The following EDRF1 variants were observed in gnomAD, a reference collection of about 807,000 sequenced individuals.
EDRF1 encodes the protein erythroid differentiation regulatory factor 1, also known as erythroid differentiation-related factor 1.
A neutral mutation model predicts 148.7 loss-of-function variants in EDRF1; 69 were observed. The ratio of observed to expected loss-of-function variants is 0.46; its 90% confidence interval spans 0.38 to 0.57. The LOEUF is 0.57. EDRF1 is among the 20% of genes least tolerant of loss of function. EDRF1 has a pLI of 0.00. For missense variants in EDRF1, 1,118 were observed against 1,478.7 expected (o/e 0.76, Z 4.00); for synonymous variants, 515 against 532.8 (o/e 0.97, Z 0.46).
At chr10:125,758,685 T>G (rs1321324282) in intron 24 of EDRF1, among the ~76,000 whole-genome samples, 3 of 152,206 alleles carry the variant, frequency 2.0e-5, no homozygotes, top group Admixed American at 6.5e-5. Flanking sequence ...CTCTAGGTCT[T>G]TCTTTTGTTT....
In EDRF1 at chr10:125,748,110, G is replaced by A. The variant is rs764743688; in HGVS notation, c.3123+98G>A. The A allele has an allele frequency of 1.4e-5, 20 of 1,413,654 alleles. No homozygotes were observed. In the South Asian group the frequency reaches 1.5e-4, roughly 11 times the overall value. The allele number at this position is 1,413,654 out of a possible 1,614,324, so 87.6% of individuals were successfully genotyped here. A position where few individuals can be genotyped will look rare whatever the true frequency, so the allele number is the denominator to read the frequency against. The stretch of plus-strand genomic sequence containing the variant: ...CATGGTCATATATGTCTTCCTTGAC[G>A]TCCACTCAGGTGAACTGCTGTCCTA... On this transcript the variant is annotated intron_variant, in intron 21 of 24. Coordinates refer to ENST00000356792, the MANE Select transcript of EDRF1 (RefSeq NM_001202438.2).
chr10:125,747,431 A>G (rs1589858771), intron 19 of EDRF1, 105 bp from the exon 20 acceptor site: 2 of 1,269,498 alleles, frequency 1.6e-6, no homozygotes, highest in Non-Finnish European at 2.3e-6. Flanking sequence ...AATTATCCCA[A>G]AATTAAATTA....
chr10:125,747,435 T>A, intron 19 of EDRF1, 101 bp from the exon 20 acceptor site: 1 of 1,287,216 alleles, frequency 7.8e-7, no homozygotes, highest in South Asian at 1.2e-5. Flanking sequence ...ATCCCAAAAT[T>A]AAATTAACAT....
intron 6 of EDRF1, 52 bp from the exon 7 acceptor site, chr10:125,728,951 T>C: frequency 7.0e-7 from 1 of 1,422,424 alleles, no homozygotes; most frequent in South Asian, 1.3e-5. Context: ...AGTGGGTCAA[T>C]TTTAAGAAAT....
At chr10:125,721,166 GT>G in intron 1 of EDRF1, 37 bp from the exon 2 acceptor site, 1 of 1,603,408 alleles carries the variant, frequency 6.2e-7, no homozygotes, top group African/African-American at 1.3e-5. Context: ...TTCGTTCTTA[GT>G]AATTTTCATT....
In EDRF1 at chr10:125,752,815, T is replaced by A; in HGVS notation, c.3294T>A (p.Val1098=). 1.2e-6 allele frequency: 2 copies of A among 1,613,304 alleles called. No homozygotes were observed. The highest frequency in any genetic ancestry group is 1.7e-6 in the Non-Finnish European group (2 of 1,179,320). The change falls in exon 23 of 25, where the codon GTT becomes GTA. Residue 1098 remains valine, a synonymous_variant. Transcript: ENST00000356792. The part of the protein sequence containing the change: ...EFQMTSQNSN[V]GKLKTLSGAL... ...AAACTTTAGGTCAGAATAGCAATGTTGGAAAGTTGAAAACACTATCTGGGG... is the reference window on the plus strand; with the variant it reads ...AAACTTTAGGTCAGAATAGCAATGTAGGAAAGTTGAAAACACTATCTGGGG...
intron 13 of EDRF1, among the ~76,000 whole-genome samples, chr10:125,737,415 A>C (rs960062222): frequency 1.3e-5 from 2 of 152,172 alleles, no homozygotes; most frequent in African/African-American, 2.4e-5. Context: ...CCGTGTCCTC[A>C]GACAAATTGC....
At chr10:125,739,808 A>G (rs1048961250) in intron 15 of EDRF1, among the ~76,000 whole-genome samples, 1 of 152,190 alleles carries the variant, frequency 6.6e-6, no homozygotes, top group African/African-American at 2.4e-5. Context: ...GTTGTGGTTT[A>G]TGTTATCAAG....
intron 1 of EDRF1, among the ~76,000 whole-genome samples, chr10:125,720,924 A>C (rs1446777555): frequency 1.3e-5 from 2 of 152,026 alleles, no homozygotes; most frequent in African/African-American, 4.8e-5. Context: ...CTGCTTCTCC[A>C]CTTTACATGA....
chr10:125,737,904 G>T lies in EDRF1; in HGVS notation c.1759-14G>T. The T allele has an allele frequency of 6.2e-7, 1 of 1,612,808 alleles. No homozygotes were observed. Among genetic ancestry groups the T allele is most frequent in the Non-Finnish European group, 8.5e-7 (1 of 1,178,982 alleles). ...ATTGGTAGTGTATTAATAATTTTAT[G>T]TTTGTTCCTCAAGCCCAGTTGTGCA... On this transcript the variant is annotated splice_polypyrimidine_tract_variant and intron_variant, in intron 13 of 24. Transcript: ENST00000356792.
At position 125,720,066 on chromosome 10, in the gene EDRF1, G is replaced by C. The variant is rs80307570; in HGVS notation, c.108+151G>C. The stretch of plus-strand genomic sequence containing the variant: ...ACAGGGAGTTGAAGTCCATGCTCCA[G>C]TCGGCAGGTATTCGTATTAAAAGCA... On this transcript the variant is annotated intron_variant, in intron 1 of 24. Transcript: ENST00000356792. 9.4e-4 allele frequency: 619 copies of C among 659,238 alleles called. 1 individual carries two copies. The highest frequency in any genetic ancestry group is 1.8e-3 in the Admixed American group (59 of 32,900). The allele number at this position is 659,238 out of a possible 1,614,324, so 40.8% of individuals were successfully genotyped here.
At chr10:125,744,184 C>CA (rs1849200218) in intron 18 of EDRF1, among the ~76,000 whole-genome samples, 1 of 150,500 alleles carries the variant, frequency 6.6e-6, no homozygotes, top group African/African-American at 2.4e-5. Context: ...GTAAGCTGAA[C>CA]ATCTGTGGGC....
Position 125,735,971 on chromosome 10 carries a change from C to G in EDRF1, c.1758+67C>G, listed in dbSNP as rs1486869556. ...ATAATTGTTAATCGAATATAGTTAG[C>G]CTTTCAAAAGATACCATTACTTCAA... is the stretch of plus-strand genomic sequence containing the variant. On this transcript the variant is annotated intron_variant, in intron 13 of 24. Transcript: ENST00000356792. 12 of 1,413,354 alleles carry G rather than the reference C, an allele frequency of 8.5e-6. 1 individual carries two copies. In the East Asian group the frequency reaches 1.1e-4, roughly 13 times the overall value. 87.6% of individuals were successfully genotyped at this position (1,413,354 alleles called of 1,614,324 possible). A position where few individuals can be genotyped will look rare whatever the true frequency, so the allele number is the denominator to read the frequency against.
rs1449129980 is a variant in EDRF1 at position 125,724,080 on chromosome 10, A to G, written c.510+144A>G. The G allele has an allele frequency of 7.4e-6, 7 of 951,808 alleles. No homozygotes were observed. In the East Asian group the frequency reaches 1.9e-4, roughly 26 times the overall value. The allele number at this position is 951,808 out of a possible 1,614,324, so 59.0% of individuals were successfully genotyped here. ...AATTGAAAGTTTCACTGAAGATAGA[A>G]AAGCTTGAATGAAGAAAAAAGAAGA... On this transcript the variant is annotated intron_variant, in intron 4 of 24. Coordinates refer to ENST00000356792, the MANE Select transcript of EDRF1 (RefSeq NM_001202438.2).
Position 125,722,917 on chromosome 10 carries a change from C to A in EDRF1, c.318-151C>A, listed in dbSNP as rs1848076493. On this transcript the variant is annotated intron_variant, in intron 2 of 24. Coordinates refer to ENST00000356792, the MANE Select transcript of EDRF1 (RefSeq NM_001202438.2). ...CCACTAAGAAAAAAAAACTTGCCAA[C>A]TGTGATGGTGATACACATCCTGGTT... The A allele has an allele frequency of 4.6e-5, 35 of 757,912 alleles. No individual in the cohort carries two copies. In the South Asian group the frequency reaches 5.1e-4, roughly 11 times the overall value. 46.9% of individuals were successfully genotyped at this position (757,912 alleles called of 1,614,324 possible).
At chr10:125,743,630 G>A (rs1849150145) in intron 18 of EDRF1, among the ~76,000 whole-genome samples, 1 of 152,210 alleles carries the variant, frequency 6.6e-6, no homozygotes. Context: ...TCAAAATGCT[G>A]TGGATGAGTA....
intron 2 of EDRF1, among the ~76,000 whole-genome samples, chr10:125,721,805 G>A (rs1408408394): frequency 2.0e-5 from 3 of 152,176 alleles, no homozygotes; most frequent in Non-Finnish European, 4.4e-5. Context: ...TTAAATGGTG[G>A]CAGGTTGATC....
At chr10:125,755,758 C>T (rs1410249512) in intron 24 of EDRF1, among the ~76,000 whole-genome samples, 1 of 152,182 alleles carries the variant, frequency 6.6e-6, no homozygotes, top group Non-Finnish European at 1.5e-5. Context: ...TTCACAGTAT[C>T]CCTTATTATC....
Position 125,763,478 on chromosome 10 carries a change from C to T in EDRF1, c.*6C>T. 1 of 1,605,018 alleles carries T rather than the reference C, an allele frequency of 6.2e-7. No homozygotes were observed. The highest frequency in any genetic ancestry group is 1.1e-5 in the South Asian group (1 of 91,066). On this transcript the variant is annotated 3_prime_UTR_variant, in exon 25 of 25. Coordinates refer to ENST00000356792, the MANE Select transcript of EDRF1 (RefSeq NM_001202438.2). The surrounding 1 kb of genome is among the most constrained non-coding windows in gnomAD (Gnocchi z 4.3). The stretch of plus-strand genomic sequence containing the variant: ...GCAGCAATGCCGTTCAGTGACTGCA[C>T]AGAGCCGTGTCCCAGACACGCTGTC...
Sources: gnomAD v4.1 joint callset for allele counts (sites outside exome capture counted in the v4.1 genomes callset) on GRCh38, gnomAD v4.1.1 for gene constraint, Gnocchi (gnomAD v3.1) non-coding constraint, MANE v1.5 for transcripts, NCBI Gene and HGNC (gene_info 2026-07-23, HGNC 2026-07-21) for gene names.